The following SETBP1 variants were observed in gnomAD, a reference collection of about 807,000 sequenced individuals.
The protein encoded by SETBP1 is SET binding protein 1.
Under a neutral mutation model 101.0 loss-of-function variants are expected in SETBP1, and 9 were observed. The ratio of observed to expected loss-of-function variants is 0.09; its 90% confidence interval spans 0.05 to 0.16. SETBP1 has a LOEUF of 0.16. Ranked by LOEUF, SETBP1 falls within the 10% of genes least tolerant of loss-of-function variation. SETBP1 has a pLI of 1.00. For missense variants in SETBP1, 1,858 were observed against 2,033.8 expected (o/e 0.91, Z 1.66); for synonymous variants, 818 against 788.5 (o/e 1.04, Z -0.63).
chr18:44,790,363 A>C (rs1253939879), intron 2 of SETBP1, among the ~76,000 whole-genome samples: 1 of 152,244 alleles, frequency 6.6e-6, no homozygotes, highest in African/African-American at 2.4e-5. Context: ...TTAGCACCAC[A>C]TGGACTCTCG....
intron 2 of SETBP1, among the ~76,000 whole-genome samples, chr18:44,806,176 A>C (rs1007226224): frequency 2.6e-5 from 4 of 152,236 alleles, no homozygotes; most frequent in Non-Finnish European, 2.9e-5. Flanking sequence ...ATGTGGAAGA[A>C]AAGTTAATCT....
At chr18:45,001,313 G>T (rs1392016794) in intron 4 of SETBP1, among the ~76,000 whole-genome samples, 1 of 152,134 alleles carries the variant, frequency 6.6e-6, no homozygotes, top group Non-Finnish European at 1.5e-5. Context: ...AGTATTGTAA[G>T]GATTAAATTC....
chr18:45,000,994 C>A (rs530804246), intron 4 of SETBP1, among the ~76,000 whole-genome samples: 1 of 152,346 alleles, frequency 6.6e-6, no homozygotes, highest in East Asian at 1.9e-4. Flanking sequence ...GACTACTTTG[C>A]AAATAGAATG....
At chr18:44,945,912 C>T (rs1025677320) in intron 3 of SETBP1, among the ~76,000 whole-genome samples, 2 of 152,196 alleles carry the variant, frequency 1.3e-5, no homozygotes, top group African/African-American at 2.4e-5. Context: ...ATGTGTGCTT[C>T]GCCTGTCTTG....
At chr18:44,744,186 G>A (rs189582933) in intron 2 of SETBP1, among the ~76,000 whole-genome samples, 1 of 152,328 alleles carries the variant, frequency 6.6e-6, no homozygotes, top group Admixed American at 6.5e-5. Context: ...TGAGTCTCAG[G>A]CTCCTGGGTC....
chr18:44,696,072 G>A (rs955706384), intron 1 of SETBP1, among the ~76,000 whole-genome samples: 2 of 152,178 alleles, frequency 1.3e-5, no homozygotes, highest in African/African-American at 4.8e-5. Context: ...GCAGAAGAGG[G>A]AGGTGAATAA....
chr18:45,016,268 A>C lies in SETBP1; in HGVS notation c.4001-22217A>C, dbSNP rs1206116501. 2.0e-5 allele frequency among the ~76,000 whole-genome samples: 3 copies of C among 152,316 alleles called. No individual in the cohort carries two copies. The East Asian group carries it at 5.8e-4, about 29-fold the overall frequency. Reference sequence around the variant, plus strand: ...TCTGCAGCTGCCATTAGAAAGCAGGATGGCAGCCACAGCGTCTAGGAGAAC... The same window carrying C: ...TCTGCAGCTGCCATTAGAAAGCAGGCTGGCAGCCACAGCGTCTAGGAGAAC... On this transcript the variant is annotated intron_variant, in intron 4 of 5. Coordinates refer to ENST00000649279, the MANE Select transcript of SETBP1 (RefSeq NM_015559.3).
chr18:44,742,438 G>T (rs1289680911), intron 2 of SETBP1, among the ~76,000 whole-genome samples: 1 of 152,174 alleles, frequency 6.6e-6, no homozygotes, highest in Non-Finnish European at 1.5e-5. Context: ...CCAAGATGGG[G>T]TGGCAGAGAG....
At chr18:44,908,337 C>T (rs1307720577) in intron 3 of SETBP1, among the ~76,000 whole-genome samples, 1 of 152,152 alleles carries the variant, frequency 6.6e-6, no homozygotes, top group Non-Finnish European at 1.5e-5. Flanking sequence ...AGGTGTGAGC[C>T]ACCACACCTG....
At chr18:44,786,865 G>A (rs181418750) in intron 2 of SETBP1, among the ~76,000 whole-genome samples, 1 of 152,318 alleles carries the variant, frequency 6.6e-6, no homozygotes, top group Admixed American at 6.5e-5. Context: ...AGTTTGTCGG[G>A]GGAAATGTGA....
intron 3 of SETBP1, among the ~76,000 whole-genome samples, chr18:44,946,651 G>A (rs538808767): frequency 1.3e-5 from 2 of 152,214 alleles, no homozygotes; most frequent in Non-Finnish European, 2.9e-5. Context: ...GTGTGCAGCT[G>A]TATATTTTGC....
intron 2 of SETBP1, among the ~76,000 whole-genome samples, chr18:44,767,082 A>C (rs2070776144): frequency 6.6e-6 from 1 of 152,208 alleles, no homozygotes. Flanking sequence ...GACAGGAAGA[A>C]AAACTTTGTA....
chr18:44,974,351 C>T (rs192931997), intron 4 of SETBP1, among the ~76,000 whole-genome samples: 5 of 152,164 alleles, frequency 3.3e-5, no homozygotes, highest in East Asian at 1.9e-4. Flanking sequence ...CGAGAGATTC[C>T]GAAGCTCAAA....
intron 4 of SETBP1, among the ~76,000 whole-genome samples, chr18:45,031,511 A>G (rs1005071980): frequency 1.3e-5 from 2 of 152,192 alleles, no homozygotes; most frequent in African/African-American, 2.4e-5. Context: ...CACTCTAGAG[A>G]ATATATTCTT....
intron 3 of SETBP1, among the ~76,000 whole-genome samples, chr18:44,934,977 G>C (rs1010776352): frequency 3.3e-5 from 5 of 152,188 alleles, no homozygotes; most frequent in Admixed American, 2.0e-4. Context: ...GGTTGACATG[G>C]GGACCCACAT....
intron 2 of SETBP1, among the ~76,000 whole-genome samples, chr18:44,723,218 T>C (rs900332371): frequency 1.1e-4 from 16 of 152,344 alleles, no homozygotes; most frequent in Non-Finnish European, 1.6e-4. Flanking sequence ...CTTCTCTTCC[T>C]CTCACTTCCT....
chr18:44,778,363 C>T (rs992869449), intron 2 of SETBP1, among the ~76,000 whole-genome samples: 3 of 152,096 alleles, frequency 2.0e-5, no homozygotes, highest in Admixed American at 6.5e-5. Flanking sequence ...GAGTTTTATT[C>T]GGGGTATTTT....
Position 44,861,278 on chromosome 18 carries a change from A to G in SETBP1, c.487-7952A>G, listed in dbSNP as rs1599238167. Among the ~76,000 whole-genome samples the G allele has an allele frequency of 2.7e-5, 3 of 112,406 alleles. No individual in the cohort carries two copies. The South Asian group carries it at 8.9e-4, about 33-fold the overall frequency. The allele number at this position is 112,406 out of a possible 152,430, so 73.7% of individuals were successfully genotyped here. A position where few individuals can be genotyped will look rare whatever the true frequency, so the allele number is the denominator to read the frequency against. ...TTTTGAGACGGAATCTTGCTCTGTC[A>G]CCCCGGCTGGAGTGCAGTGGCGTGA... On this transcript the variant is annotated intron_variant, in intron 2 of 5. Coordinates refer to ENST00000649279, the MANE Select transcript of SETBP1 (RefSeq NM_015559.3).
intron 4 of SETBP1, among the ~76,000 whole-genome samples, chr18:45,014,299 T>C (rs1251007726): frequency 6.6e-6 from 1 of 152,140 alleles, no homozygotes; most frequent in Non-Finnish European, 1.5e-5. Context: ...CTGGTTTAGT[T>C]TGTGGGCCAC....
Sources: allele counts gnomAD v4.1 joint callset (sites outside exome capture counted in the v4.1 genomes callset), GRCh38; gene constraint gnomAD v4.1.1; transcripts MANE v1.5; gene names NCBI Gene and HGNC (gene_info 2026-07-23, HGNC 2026-07-21).